The following PCDH9 variants were observed in gnomAD, a reference collection of about 807,000 sequenced individuals.
PCDH9 encodes protocadherin 9.
PCDH9 carries 24 observed loss-of-function variants against 70.6 expected under a neutral mutation model. The ratio of observed to expected loss-of-function variants is 0.34; its 90% CI spans 0.25 to 0.48. The LOEUF (loss-of-function observed/expected upper bound fraction) is 0.48. Among genes scored for constraint, PCDH9 ranks in the 20% least tolerant of loss-of-function variants. The pLI, the probability that PCDH9 is intolerant of heterozygous loss-of-function variation, is 0.99. For missense variants in PCDH9, 1,281 were observed against 1,503.6 expected, an observed-to-expected ratio of 0.85 and a Z score of 2.45; for synonymous variants, 562 against 558.5, an observed-to-expected ratio of 1.01 and a Z score of -0.09.
intron 4 of PCDH9, among the ~76,000 whole-genome samples, chr13:66,543,719 T>A (rs56083836): frequency 0.23 from 34,383 of 152,000 alleles, 4,419 homozygotes; most frequent in South Asian, 0.34. Flanking sequence ...AGACACCTCT[T>A]AAAAACCCAA....
intron 3 of PCDH9, among the ~76,000 whole-genome samples, chr13:66,883,629 A>G (rs997918120): frequency 1.3e-5 from 2 of 152,196 alleles, no homozygotes; most frequent in African/African-American, 4.8e-5. Flanking sequence ...AATAAAATGC[A>G]TTAGTTTATT....
chr13:67,200,305 A>T (rs2089177452), intron 2 of PCDH9, among the ~76,000 whole-genome samples: 1 of 152,108 alleles, frequency 6.6e-6, no homozygotes, highest in South Asian at 2.1e-4. Flanking sequence ...ACATAGCTAA[A>T]GCAAATGCAT....
chr13:66,455,411 A>C (rs1958299216), intron 4 of PCDH9, among the ~76,000 whole-genome samples: 1 of 152,040 alleles, frequency 6.6e-6, no homozygotes, highest in Non-Finnish European at 1.5e-5. Context: ...TAGAATAAAA[A>C]TATGAGGTTC....
intron 2 of PCDH9, among the ~76,000 whole-genome samples, chr13:66,918,489 T>C (rs1367488615): frequency 3.3e-5 from 5 of 151,198 alleles, no homozygotes; most frequent in Admixed American, 6.6e-5. Context: ...TTGTTTTTGA[T>C]GGTAAGAGCA....
chr13:66,983,581 C>A (rs895773587), intron 2 of PCDH9, among the ~76,000 whole-genome samples: 3 of 152,170 alleles, frequency 2.0e-5, no homozygotes, highest in Admixed American at 2.0e-4. Context: ...ACTGGAGATG[C>A]TGCAGATGGC....
intron 4 of PCDH9, among the ~76,000 whole-genome samples, chr13:66,372,425 T>C (rs888014072): frequency 1.3e-5 from 2 of 151,694 alleles, no homozygotes; most frequent in Admixed American, 6.6e-5. Flanking sequence ...GTGAACATCA[T>C]ATAAAAAGAG....
chr13:66,871,258 G>A (rs1341876637), intron 3 of PCDH9, among the ~76,000 whole-genome samples: 6 of 151,424 alleles, frequency 4.0e-5, no homozygotes, highest in Admixed American at 4.0e-4. Context: ...GGATGGGGGA[G>A]GGATAGCATT....
chr13:66,904,413 A>T (rs2082326581), intron 2 of PCDH9, among the ~76,000 whole-genome samples: 1 of 151,996 alleles, frequency 6.6e-6, no homozygotes. Flanking sequence ...ATTAGACTCA[A>T]GGCAAGCAAT....
intron 3 of PCDH9, among the ~76,000 whole-genome samples, chr13:66,746,094 A>C (rs377068862): frequency 3.3e-5 from 5 of 152,136 alleles, no homozygotes; most frequent in Non-Finnish European, 4.4e-5. Context: ...CTCTCTCTCC[A>C]TTCACTTGGC....
intron 2 of PCDH9, among the ~76,000 whole-genome samples, chr13:66,925,187 C>G (rs1473440881): frequency 1.3e-5 from 2 of 151,846 alleles, no homozygotes; most frequent in African/African-American, 2.4e-5. Context: ...GTGCCAGTGA[C>G]AGATGATTGT....
At chr13:67,184,968 T>C (rs1221636932) in intron 2 of PCDH9, among the ~76,000 whole-genome samples, 1 of 152,180 alleles carries the variant, frequency 6.6e-6, no homozygotes, top group East Asian at 1.9e-4. Context: ...AGAATCTCCG[T>C]ACTACATAGG....
chr13:66,545,829 T>TTTTA lies in PCDH9; in HGVS notation c.3340+85377_3340+85380dup, dbSNP rs1555304918. Among the ~76,000 whole-genome samples the TTTTA allele has an allele frequency of 3.9e-3, 582 of 147,536 alleles. 2 individuals are homozygous for TTTTA. The highest frequency in any genetic ancestry group is 0.014 in the African/African-American group (553 of 40,630). ...TTTTACTTTATTTTATTTTATTTTATTTTATTTATTTATTTATTTATTTAT... is the reference window on the plus strand; with the variant it reads ...TTTTACTTTATTTTATTTTATTTTATTTTATTTATTTATTTATTTATTTATTTAT... On this transcript the variant is annotated intron_variant, in intron 4 of 4. Coordinates refer to ENST00000377865, the MANE Select transcript of PCDH9 (RefSeq NM_203487.3).
At chr13:66,957,795 T>A (rs1300912753) in intron 2 of PCDH9, among the ~76,000 whole-genome samples, 1 of 152,148 alleles carries the variant, frequency 6.6e-6, no homozygotes, top group East Asian at 1.9e-4. Context: ...GCACTCTGAT[T>A]TCATTCTTCC....
chr13:66,763,362 A>G (rs1245349290), intron 3 of PCDH9, among the ~76,000 whole-genome samples: 3 of 152,034 alleles, frequency 2.0e-5, no homozygotes, highest in African/African-American at 7.3e-5. Context: ...AAAAGACAAT[A>G]TTTAACTGCA....
rs2089974186 is a variant in PCDH9, at chr13:67,230,164, C to A, written c.-520G>T. On this transcript the variant is annotated 5_prime_UTR_variant, in exon 1 of 5. Coordinates refer to ENST00000377865, the MANE Select transcript of PCDH9 (RefSeq NM_203487.3). ...CTTCTTGTAGGAAACGTCAGAGTTG[C>A]GGTGATGATGATTCTCTGACAGCTA... is the stretch of plus-strand genomic sequence containing the variant. 1 of 152,156 alleles carries A rather than the reference C, an allele frequency of 6.6e-6. No homozygotes were observed. Among genetic ancestry groups the A allele is most frequent in the Admixed American group, 6.5e-5 (1 of 15,274 alleles). The allele number at this position is 152,156 out of a possible 1,614,324, so 9.4% of individuals were successfully genotyped here. A position where few individuals can be genotyped will look rare whatever the true frequency, so the allele number is the denominator to read the frequency against.
rs1555262846 is a variant in PCDH9, at chr13:66,730,876, G to GTGTTTTTTTTTTTTTT, written c.3139-99466_3139-99465insAAAAAAAAAAAAAACA. 6.5e-5 allele frequency among the ~76,000 whole-genome samples: 3 copies of GTGTTTTTTTTTTTTTT among 46,356 alleles called. 1 individual carries two copies. Among genetic ancestry groups the GTGTTTTTTTTTTTTTT allele is most frequent in the Admixed American group, 6.0e-4 (2 of 3,346 alleles). 30.4% of individuals were successfully genotyped at this position (46,356 alleles called of 152,430 possible). A position where few individuals can be genotyped will look rare whatever the true frequency, so the allele number is the denominator to read the frequency against. ...TGTTTTTGTTTTTTTGTGTGTGTGT[G>GTGTTTTTTTTTTTTTT]TTTTTTTTTTGTTTGTTTCTTTTTT... On this transcript the variant is annotated intron_variant, in intron 3 of 4. Transcript: ENST00000377865.
At chr13:66,786,443 T>C (rs2080081427) in intron 3 of PCDH9, among the ~76,000 whole-genome samples, 1 of 152,154 alleles carries the variant, frequency 6.6e-6, no homozygotes, top group Admixed American at 6.6e-5. Context: ...ACTGTCCCAA[T>C]TGTCACTTGC....
intron 2 of PCDH9, among the ~76,000 whole-genome samples, chr13:67,072,213 T>C (rs1052314053): frequency 6.6e-6 from 1 of 152,120 alleles, no homozygotes; most frequent in Non-Finnish European, 1.5e-5. Flanking sequence ...GGTCACTCTC[T>C]GACCATCTAT....
chr13:66,309,314 T>G (rs1180509688), intron 4 of PCDH9, among the ~76,000 whole-genome samples: 1 of 152,062 alleles, frequency 6.6e-6, no homozygotes, highest in Admixed American at 6.6e-5. Flanking sequence ...AGTATATGTT[T>G]TTTCAAAATT....
Sources: gnomAD v4.1 joint callset for allele counts (sites outside exome capture counted in the v4.1 genomes callset) on GRCh38, gnomAD v4.1.1 for gene constraint, MANE v1.5 for transcripts, NCBI Gene and HGNC (gene_info 2026-07-23, HGNC 2026-07-21) for gene names.